COPG2: variants seen among roughly 807,000 people sequenced by gnomAD.
COPG2 encodes the protein coatomer subunit gamma-2.
COPG2 carries 37 observed loss-of-function variants against 46.3 expected under a neutral mutation model. That is an observed-to-expected ratio of 0.80 (90% CI 0.61 to 1.05). The LOEUF (loss-of-function observed/expected upper bound fraction) is 1.05. COPG2 is among the 50% of genes least tolerant of loss of function. The pLI, the probability that COPG2 is intolerant of heterozygous loss-of-function variation, is 0.00. For missense variants in COPG2, 427 were observed against 387.8 expected, an observed-to-expected ratio of 1.10 and a Z score of -0.85; for synonymous variants, 159 against 129.7, an observed-to-expected ratio of 1.23 and a Z score of -1.53.
At position 130,652,930 on chromosome 7, in the gene COPG2, A is replaced by G; in HGVS notation, c.262T>C (p.Cys88Arg). The stretch of plus-strand genomic sequence containing the variant: ...GCCATTTCTTTGATGGTAAGGTAGC[A>G]CATTCTCCTCAATGTTTGCTGAAAA... ...QSNDQTLRRMCYLTIKEMATI... is the reference protein window; with the variant it reads ...QSNDQTLRRMRYLTIKEMATI... Residue 88 changes from cysteine (C) to arginine (R), a missense_variant, in exon 5 of 24, where the codon TGC becomes CGC. By Grantham distance (180) the Cys-to-Arg change is radical (BLOSUM62 -3). Coordinates refer to ENST00000425248, the MANE Select transcript of COPG2 (RefSeq NM_012133.6). The G allele has an allele frequency of 6.2e-7, 1 of 1,603,028 alleles. No individual in the cohort carries two copies. Among genetic ancestry groups the G allele is most frequent in the Non-Finnish European group, 8.5e-7 (1 of 1,172,898 alleles).
At chr7:130,527,013 G>A (rs942036878) in intron 20 of COPG2, among the ~76,000 whole-genome samples, 120 of 151,740 alleles carry the variant, frequency 7.9e-4, no homozygotes, top group African/African-American at 2.6e-3. Flanking sequence ...TTGAGCTGGT[G>A]GACTATTACA....
intron 9 of COPG2, among the ~76,000 whole-genome samples, chr7:130,579,217 T>G (rs1554446770): frequency 1.2e-4 from 16 of 133,542 alleles, no homozygotes; most frequent in South Asian, 2.7e-4. Context: ...GAAAAGAATT[T>G]TCAACCCAGA....
chr7:130,530,252 G>A (rs1799811279), intron 20 of COPG2, among the ~76,000 whole-genome samples: 1 of 152,154 alleles, frequency 6.6e-6, no homozygotes, highest in South Asian at 2.1e-4. Context: ...CACGATGGCA[G>A]GGGTGCATCG....
rs143059599 is a variant in COPG2, at chr7:130,514,040, T to C, written c.2150-5381A>G. Among the ~76,000 whole-genome samples, 743 of 152,336 alleles carry C rather than the reference T, an allele frequency of 4.9e-3. 4 individuals carry two copies. The highest frequency in any genetic ancestry group is 0.017 in the African/African-American group (703 of 41,564). On this transcript the variant is annotated intron_variant, in intron 20 of 23. Transcript: ENST00000425248. Reference sequence around the variant, plus strand: ...GGACAGGTAAAATGAGGAAAGTGTTTCCCAGAATGGGAAATCTTGTAAACC... The same window carrying C: ...GGACAGGTAAAATGAGGAAAGTGTTCCCCAGAATGGGAAATCTTGTAAACC...
chr7:130,508,777 T>C, intron 20 of COPG2, 118 bp from the exon 21 acceptor site: 1 of 630,784 alleles, frequency 1.6e-6, no homozygotes, highest in Non-Finnish European at 2.9e-6. Context: ...CATGCCCTGT[T>C]GTCTGGGGTA....
At chr7:130,559,877 G>A (rs2116400049) in intron 12 of COPG2, among the ~76,000 whole-genome samples, 1 of 152,210 alleles carries the variant, frequency 6.6e-6, no homozygotes, top group South Asian at 2.1e-4. Flanking sequence ...TTACTTGACT[G>A]AGTATAAAAA....
intron 4 of COPG2, among the ~76,000 whole-genome samples, chr7:130,658,685 A>ATT (rs782395728): frequency 6.8e-6 from 1 of 147,070 alleles, no homozygotes; most frequent in Non-Finnish European, 1.5e-5. Flanking sequence ...TGACAACCTG[A>ATT]TTTTTTTTTT....
chr7:130,666,397 G>A (rs913787549), intron 3 of COPG2, among the ~76,000 whole-genome samples: 3 of 152,096 alleles, frequency 2.0e-5, no homozygotes, highest in Non-Finnish European at 2.9e-5. Context: ...TCTACTATGC[G>A]CATCACTGGT....
intron 9 of COPG2, chr7:130,610,358 A>G (rs1584576514): frequency 3.0e-6 from 1 of 335,070 alleles, no homozygotes. Context: ...GATTCTAGAG[A>G]TCTTTCTCTG....
At position 130,611,062 on chromosome 7, in the gene COPG2, C is replaced by A; in HGVS notation, c.628G>T (p.Ala210Ser). The A allele has an allele frequency of 6.2e-7, 1 of 1,613,764 alleles. No individual in the cohort carries two copies. Among genetic ancestry groups the A allele is most frequent in the East Asian group, 2.2e-5 (1 of 44,864 alleles). Residue 210 changes from alanine to serine, a missense_variant, in exon 9 of 24, where the codon GCT (alanine) becomes TCT (serine). Physicochemically the swap from Ala to Ser is moderately conservative, Grantham distance 99. Transcript: ENST00000425248. ...AACTTATTCAACATCTTGGAAACAG[C>A]AAGTCGATCATTCTTTCTAAGGTGA... ...LYHLRKNDRL[A>S]VSKMLNKFTK...
chr7:130,553,434 A>C (rs1200073447), intron 14 of COPG2, among the ~76,000 whole-genome samples: 2 of 152,170 alleles, frequency 1.3e-5, no homozygotes, highest in Non-Finnish European at 2.9e-5. Context: ...TGACAGCCTC[A>C]ATCAGCACCA....
intron 9 of COPG2, among the ~76,000 whole-genome samples, chr7:130,585,738 G>C (rs192867862): frequency 6.6e-6 from 1 of 152,010 alleles, no homozygotes; most frequent in Non-Finnish European, 1.5e-5. Flanking sequence ...CTAATGATCA[G>C]GGAAATGCAA....
rs180979338 is a variant in COPG2, at chr7:130,586,964, A to G, written c.738-22571T>C. Among the ~76,000 whole-genome samples the G allele has an allele frequency of 1.2e-3, 184 of 152,180 alleles. 2 individuals carry two copies. The highest frequency in any genetic ancestry group is 5.0e-3 in the Admixed American group (76 of 15,262). On this transcript the variant is annotated intron_variant, in intron 9 of 23. Transcript: ENST00000425248. ...TTTAAAAGCAGTTTATAAATTACATATAATTCCTATCCTTTAATATTAACC... is the reference window on the plus strand; with the variant it reads ...TTTAAAAGCAGTTTATAAATTACATGTAATTCCTATCCTTTAATATTAACC...
chr7:130,556,744 G>T (rs1456479905), intron 12 of COPG2, among the ~76,000 whole-genome samples: 1 of 151,844 alleles, frequency 6.6e-6, no homozygotes, highest in Non-Finnish European at 1.5e-5. Flanking sequence ...TTAGAAAATT[G>T]ATAAAATAAC....
intron 16 of COPG2, 113 bp from the exon 17 acceptor site, chr7:130,550,762 C>A: frequency 2.7e-6 from 1 of 376,728 alleles, no homozygotes; most frequent in Non-Finnish European, 4.7e-6. Context: ...AAAAATATAA[C>A]CAAAAGCTTT....
At chr7:130,648,933 T>C (rs1291711208) in intron 5 of COPG2, among the ~76,000 whole-genome samples, 1 of 152,190 alleles carries the variant, frequency 6.6e-6, no homozygotes, top group African/African-American at 2.4e-5. Context: ...GGTCCACAGA[T>C]GAAGAGGAAT....
chr7:130,510,057 C>T (rs2116328246), intron 20 of COPG2: 1 of 519,210 alleles, frequency 1.9e-6, no homozygotes, highest in East Asian at 5.5e-5. Flanking sequence ...TGTAAAATAC[C>T]TTGTATTTCA....
intron 9 of COPG2, among the ~76,000 whole-genome samples, chr7:130,590,285 A>G (rs1433833531): frequency 1.6e-4 from 23 of 146,760 alleles, no homozygotes; most frequent in Non-Finnish European, 2.7e-4. Flanking sequence ...CTCTCTTTCC[A>G]CGGTCTCCCT....
chr7:130,612,988 A>T (rs187066310), intron 7 of COPG2, among the ~76,000 whole-genome samples: 1 of 152,328 alleles, frequency 6.6e-6, no homozygotes, highest in East Asian at 1.9e-4. Context: ...TGTACAACAT[A>T]ACTTTCAGAT....
Sources: gnomAD v4.1 joint callset for allele counts (sites outside exome capture counted in the v4.1 genomes callset) on GRCh38, gnomAD v4.1.1 for gene constraint, MANE v1.5 for transcripts, NCBI Gene and HGNC (gene_info 2026-07-23, HGNC 2026-07-21) for gene names.